The following SNX10 variants were observed in gnomAD, a reference collection of about 807,000 sequenced individuals.
SNX10 encodes sorting nexin-10.
SNX10 carries 25 observed loss-of-function variants against 28.5 expected under a neutral mutation model. That is an observed-to-expected ratio of 0.88 (90% CI 0.64 to 1.22). The LOEUF is 1.22. Among genes scored for constraint, SNX10 ranks in the 50% most tolerant of loss-of-function variants. The probability of loss-of-function intolerance (pLI) is 0.00; values close to 1 mark genes in which losing one functional copy is unlikely to be tolerated. For synonymous variants in SNX10, 62 were observed against 81.4 expected, an observed-to-expected ratio of 0.76 and a Z score of 1.28; for missense variants, 223 against 242.6, an observed-to-expected ratio of 0.92 and a Z score of 0.54.
At chr7:26,366,019 T>G (rs1427257688) in intron 5 of SNX10, among the ~76,000 whole-genome samples, 1 of 152,232 alleles carries the variant, frequency 6.6e-6, no homozygotes, top group Non-Finnish European at 1.5e-5. Context: ...ATCTTCATGT[T>G]GGCTGTTATT....
At chr7:26,310,841 G>C (rs910955936) in intron 1 of SNX10, among the ~76,000 whole-genome samples, 3 of 151,982 alleles carry the variant, frequency 2.0e-5, no homozygotes. Flanking sequence ...TGCCACCACG[G>C]CTGGCTAATT....
At chr7:26,311,388 C>T (rs1490667010) in intron 1 of SNX10, among the ~76,000 whole-genome samples, 1 of 151,894 alleles carries the variant, frequency 6.6e-6, no homozygotes, top group Non-Finnish European at 1.5e-5. Context: ...TGGGCTCAAG[C>T]GATTCTCCCG....
At chr7:26,303,780 C>G (rs879600640) in intron 1 of SNX10, among the ~76,000 whole-genome samples, 8 of 152,170 alleles carry the variant, frequency 5.3e-5, no homozygotes, top group Non-Finnish European at 4.4e-5. Context: ...AGGATGAGAC[C>G]TAGGGACTTG....
intron 1 of SNX10, among the ~76,000 whole-genome samples, chr7:26,341,930 C>CTCCCTTCCCT (rs55833517): frequency 0.069 from 10,130 of 146,810 alleles, 789 homozygotes; most frequent in East Asian, 0.27. Context: ...TTCTGTCCTT[C>CTCCCTTCCCT]TCCCTTCCCT....
chr7:26,346,520 G>T (rs1788393724), intron 2 of SNX10, 54 bp downstream of exon 2: 17 of 1,369,108 alleles, frequency 1.2e-5, no homozygotes, highest in Non-Finnish European at 1.6e-5. Flanking sequence ...ATTCACACAG[G>T]TTAGTTCTTC....
intron 2 of SNX10, among the ~76,000 whole-genome samples, chr7:26,352,105 A>G (rs1788631199): frequency 6.8e-6 from 1 of 146,766 alleles, no homozygotes; most frequent in Non-Finnish European, 1.5e-5. Context: ...CTATCTTCAT[A>G]ATTTCTCTAT....
intron 2 of SNX10, 91 bp from the exon 3 acceptor site, chr7:26,360,884 A>G: frequency 1.9e-6 from 3 of 1,560,368 alleles, no homozygotes; most frequent in Non-Finnish European, 2.6e-6. Flanking sequence ...AGCTCATTTC[A>G]GTTTTGTTTT....
intron 2 of SNX10, chr7:26,354,255 C>T (rs772807513): frequency 1.3e-5 from 2 of 152,212 alleles, no homozygotes; most frequent in Admixed American, 6.5e-5. Flanking sequence ...CATCTTTCTA[C>T]GTGCTTGTTT....
chr7:26,351,956 A>G (rs1269819050), intron 2 of SNX10, among the ~76,000 whole-genome samples: 1 of 152,106 alleles, frequency 6.6e-6, no homozygotes, highest in Non-Finnish European at 1.5e-5. Context: ...GTGCCCGACC[A>G]GCAATCTTAA....
At chr7:26,369,788 G>A (rs934966782) in intron 5 of SNX10, among the ~76,000 whole-genome samples, 1 of 152,182 alleles carries the variant, frequency 6.6e-6, no homozygotes, top group Admixed American at 6.5e-5. Flanking sequence ...CAGTAAAATT[G>A]GAAATTGAAT....
At chr7:26,335,695 C>A (rs1216786222) in intron 1 of SNX10, among the ~76,000 whole-genome samples, 1 of 146,410 alleles carries the variant, frequency 6.8e-6, no homozygotes, top group Non-Finnish European at 1.5e-5. Flanking sequence ...TGGCACAGAA[C>A]TAAACATTGA....
intron 2 of SNX10, among the ~76,000 whole-genome samples, chr7:26,349,283 C>T (rs754873443): frequency 2.6e-5 from 4 of 152,150 alleles, no homozygotes; most frequent in Admixed American, 2.0e-4. Context: ...AAGATTCATA[C>T]AGCCTGGGAG....
intron 2 of SNX10, among the ~76,000 whole-genome samples, chr7:26,358,805 G>GTTT (rs35527687): frequency 0.026 from 2,626 of 100,044 alleles, 184 homozygotes; most frequent in East Asian, 0.23. Flanking sequence ...GTTATCTTGT[G>GTTT]TTTTTTTTTT....
intron 2 of SNX10, among the ~76,000 whole-genome samples, chr7:26,350,991 C>T (rs533187038): frequency 6.6e-6 from 1 of 152,002 alleles, no homozygotes; most frequent in Admixed American, 6.5e-5. Context: ...TAATTGTTCA[C>T]TGCAGAACAT....
intron 1 of SNX10, among the ~76,000 whole-genome samples, chr7:26,345,691 ATAG>A (rs1481904389): frequency 1.3e-5 from 2 of 152,218 alleles, no homozygotes; most frequent in Admixed American, 1.3e-4. Context: ...GTGAAGGCAA[ATAG>A]TAGACCTGCA....
intron 5 of SNX10, chr7:26,370,787 C>G (rs1789492982): frequency 6.6e-6 from 1 of 152,132 alleles, no homozygotes; most frequent in African/African-American, 2.4e-5. Flanking sequence ...TCGGAAAAAT[C>G]TTATGTTGGA....
intron 1 of SNX10, among the ~76,000 whole-genome samples, chr7:26,321,426 T>C (rs564957403): frequency 6.6e-6 from 1 of 152,334 alleles, no homozygotes; most frequent in South Asian, 2.1e-4. Flanking sequence ...TCCTTCTGGA[T>C]ATTTTGTTCA....
chr7:26,302,005 T>G (rs764431295), intron 1 of SNX10, among the ~76,000 whole-genome samples: 58 of 152,172 alleles, frequency 3.8e-4, no homozygotes, highest in Non-Finnish European at 4.4e-4. Flanking sequence ...CCATGTAGAT[T>G]ATAAAAGGCT....
At chr7:26,361,230 G>A (rs1789053900) in intron 3 of SNX10, among the ~76,000 whole-genome samples, 169 bp downstream of exon 3, 2 of 152,130 alleles carry the variant, frequency 1.3e-5, no homozygotes, top group Admixed American at 6.5e-5. Flanking sequence ...TCCTAAAGTT[G>A]AAAAATTACT....
Sources: allele counts gnomAD v4.1 joint callset (sites outside exome capture counted in the v4.1 genomes callset), GRCh38; gene constraint gnomAD v4.1.1; transcripts MANE v1.5; gene names NCBI Gene and HGNC (gene_info 2026-07-23, HGNC 2026-07-21).